Variants in ADARB2 observed in about 807,000 individuals in gnomAD.
ADARB2 encodes the protein inactive double-stranded RNA-specific editase B2.
Under a neutral mutation model 62.2 loss-of-function variants are expected in ADARB2, and 25 were observed. The ratio of observed to expected loss-of-function variants is 0.40; its 90% confidence interval spans 0.29 to 0.56. ADARB2 has a LOEUF of 0.56. Ranked by LOEUF, ADARB2 falls within the 20% of genes least tolerant of loss-of-function variation. The probability of loss-of-function intolerance (pLI) is 0.43; values close to 1 mark genes in which losing one functional copy is unlikely to be tolerated. For synonymous variants in ADARB2, 572 were observed against 500.8 expected (o/e 1.14, Z -1.90); for missense variants, 1,071 against 1,077.4 (o/e 0.99, Z 0.08).
At chr10:1,574,382 G>A (rs1832982228) in intron 1 of ADARB2, among the ~76,000 whole-genome samples, 1 of 152,224 alleles carries the variant, frequency 6.6e-6, no homozygotes, top group South Asian at 2.1e-4. Flanking sequence ...TGGAGTTTTA[G>A]GAAAGAGAAT....
intron 3 of ADARB2, 45 bp downstream of exon 3, chr10:1,362,983 G>C: frequency 7.8e-7 from 1 of 1,275,650 alleles, no homozygotes; most frequent in South Asian, 2.5e-5. Flanking sequence ...TCTCCCCCGC[G>C]CCCCCAGCGC....
At chr10:1,570,325 C>A (rs1281599415) in intron 1 of ADARB2, among the ~76,000 whole-genome samples, 1 of 152,148 alleles carries the variant, frequency 6.6e-6, no homozygotes, top group Non-Finnish European at 1.5e-5. Flanking sequence ...TGCTGTCTCT[C>A]CCCCTTGGCG....
chr10:1,376,972 CT>C (rs1415545375), intron 2 of ADARB2, among the ~76,000 whole-genome samples: 3 of 132,922 alleles, frequency 2.3e-5, no homozygotes, highest in Non-Finnish European at 3.2e-5. Context: ...GTGTGCACCC[CT>C]GGGGTGTGTG....
intron 1 of ADARB2, among the ~76,000 whole-genome samples, chr10:1,578,991 C>T (rs77894988): frequency 2.6e-5 from 4 of 152,246 alleles, no homozygotes; most frequent in Admixed American, 6.5e-5. Context: ...GACCAGCAAG[C>T]CTGGCCCATC....
rs908695637 is a variant in ADARB2 at position 1,217,226 on chromosome 10, T to C, written c.1514-107A>G. On this transcript the variant is annotated intron_variant, in intron 6 of 9. Transcript: ENST00000381312. ...ACAGAGGTCAAAGGGCCCCTCACCA[T>C]GGCTGGGCGTTTGGCACGAGGAAGG... 5 of 1,160,002 alleles carry C rather than the reference T, an allele frequency of 4.3e-6. No homozygotes were observed. The East Asian group carries it at 1.4e-4, about 33-fold the overall frequency. The allele number at this position is 1,160,002 out of a possible 1,614,324, so 71.9% of individuals were successfully genotyped here.
intron 1 of ADARB2, among the ~76,000 whole-genome samples, chr10:1,405,120 C>G (rs974271847): frequency 6.6e-6 from 1 of 152,166 alleles, no homozygotes; most frequent in Non-Finnish European, 1.5e-5. Flanking sequence ...ACAGAGGTAA[C>G]GGGGCAGAGG....
chr10:1,672,868 T>C lies in ADARB2; in HGVS notation c.100+64183A>G, dbSNP rs574653540. Among the ~76,000 whole-genome samples the C allele has an allele frequency of 1.5e-4, 23 of 151,718 alleles. No homozygotes were observed. The East Asian group carries it at 3.9e-3, about 26-fold the overall frequency. On this transcript the variant is annotated intron_variant, in intron 1 of 9. Transcript: ENST00000381312. ...CAAATCATTTTACAAATGAGACAAC[T>C]AAGAGCTAGAAATGGAGAGTAATTA... is the stretch of plus-strand genomic sequence containing the variant.
At chr10:1,341,280 A>G (rs1264884230) in intron 3 of ADARB2, among the ~76,000 whole-genome samples, 1 of 151,194 alleles carries the variant, frequency 6.6e-6, no homozygotes, top group African/African-American at 2.4e-5. Context: ...AGCGGCAATA[A>G]CCAGCATCCA....
intron 8 of ADARB2, chr10:1,188,050 G>C (rs745538104): frequency 6.3e-6 from 1 of 159,552 alleles, no homozygotes; most frequent in Admixed American, 6.3e-5. Flanking sequence ...CATGACCCCG[G>C]AGGTGGAAAA....
At chr10:1,668,706 AT>A (rs1564362930) in intron 1 of ADARB2, among the ~76,000 whole-genome samples, 2 of 152,168 alleles carry the variant, frequency 1.3e-5, no homozygotes, top group African/African-American at 2.4e-5. Context: ...ATGAGAACCA[AT>A]TTTCATAATG....
chr10:1,580,667 G>A (rs918598771), intron 1 of ADARB2, among the ~76,000 whole-genome samples: 5 of 152,070 alleles, frequency 3.3e-5, no homozygotes, highest in African/African-American at 1.2e-4. Context: ...ACCTTCTATG[G>A]GCTTGGACCG....
chr10:1,660,232 A>G (rs1485317103), intron 1 of ADARB2, among the ~76,000 whole-genome samples: 1 of 152,250 alleles, frequency 6.6e-6, no homozygotes, highest in Non-Finnish European at 1.5e-5. Context: ...AGCACTGGCT[A>G]CTTCCTGGAG....
chr10:1,539,415 T>C (rs561689174), intron 1 of ADARB2, among the ~76,000 whole-genome samples: 70 of 152,334 alleles, frequency 4.6e-4, no homozygotes, highest in South Asian at 2.9e-3. Context: ...CGACCAGTGC[T>C]GTGTGCCTGG....
intron 8 of ADARB2, among the ~76,000 whole-genome samples, chr10:1,187,645 G>A (rs1015069449): frequency 6.6e-6 from 1 of 152,244 alleles, no homozygotes; most frequent in Non-Finnish European, 1.5e-5. Flanking sequence ...GTCTGACGGG[G>A]TTTCCTCCCA....
In ADARB2 at chr10:1,558,589, T is replaced by C. The variant is rs1169474373; in HGVS notation, c.100+178462A>G. Among the ~76,000 whole-genome samples, 19 of 77,330 alleles carry C rather than the reference T, an allele frequency of 2.5e-4. No individual in the cohort carries two copies. In the South Asian group the frequency reaches 2.6e-3, roughly 11 times the overall value. 50.7% of individuals were successfully genotyped at this position (77,330 alleles called of 152,430 possible). ...TCTGCATCCCACCTCTGTCCCCTTCTGTGGGTGCTCAGCCCCTGCATGCTC... is the reference window on the plus strand; with the variant it reads ...TCTGCATCCCACCTCTGTCCCCTTCCGTGGGTGCTCAGCCCCTGCATGCTC... On this transcript the variant is annotated intron_variant, in intron 1 of 9. Transcript: ENST00000381312.
At chr10:1,557,766 G>T (rs1158557903) in intron 1 of ADARB2, among the ~76,000 whole-genome samples, 1 of 152,048 alleles carries the variant, frequency 6.6e-6, no homozygotes, top group East Asian at 1.9e-4. Context: ...CAAAAAATTA[G>T]CTGGGGGTAG....
intron 1 of ADARB2, among the ~76,000 whole-genome samples, chr10:1,664,203 T>C (rs1010022753): frequency 2.0e-5 from 3 of 151,090 alleles, no homozygotes; most frequent in South Asian, 2.1e-4. Context: ...TTTCTGTGTG[T>C]CCGTGTTTCC....
rs369970700 is a variant in ADARB2 at position 1,449,371 on chromosome 10, G to A, written c.101-70211C>T. Among the ~76,000 whole-genome samples, 9 of 152,232 alleles carry A rather than the reference G, an allele frequency of 5.9e-5. 1 individual carries two copies. Among genetic ancestry groups the A allele is most frequent in the African/African-American group, 2.2e-4 (9 of 41,534 alleles). ...CTGTATCAGCCTATATCATTCAGCT[G>A]CCCCCTCCACTGTGCTGAGTGTGTG... On this transcript the variant is annotated intron_variant, in intron 1 of 9. Coordinates refer to ENST00000381312, the MANE Select transcript of ADARB2 (RefSeq NM_018702.4).
chr10:1,431,542 T>A (rs955911974), intron 1 of ADARB2, among the ~76,000 whole-genome samples: 1 of 152,126 alleles, frequency 6.6e-6, no homozygotes, highest in Non-Finnish European at 1.5e-5. Context: ...GGTGCAAGTT[T>A]CTATTTTATA....
Sources: gnomAD v4.1 joint callset for allele counts (sites outside exome capture counted in the v4.1 genomes callset) on GRCh38, gnomAD v4.1.1 for gene constraint, MANE v1.5 for transcripts, NCBI Gene and HGNC (gene_info 2026-07-23, HGNC 2026-07-21) for gene names.